The following WDFY1 variants were observed in gnomAD, a reference collection of about 807,000 sequenced individuals.
WDFY1 encodes WD repeat and FYVE domain containing 1.
A neutral mutation model predicts 56.4 loss-of-function variants in WDFY1; 32 were observed. The ratio of observed to expected loss-of-function variants is 0.57; its 90% CI spans 0.43 to 0.76. The LOEUF is 0.76. Among genes scored for constraint, WDFY1 ranks in the 30% least tolerant of loss-of-function variants. The probability of loss-of-function intolerance (pLI) is 0.00; values close to 1 mark genes in which losing one functional copy is unlikely to be tolerated. For missense variants in WDFY1, 480 were observed against 545.7 expected (o/e 0.88, Z 1.20); for synonymous variants, 192 against 197.3 (o/e 0.97, Z 0.23).
At chr2:223,893,538 AAAAG>A (rs1244803917) in intron 8 of WDFY1, among the ~76,000 whole-genome samples, 4 of 152,004 alleles carry the variant, frequency 2.6e-5, no homozygotes, top group Non-Finnish European at 5.9e-5. Flanking sequence ...TCAAAAAAAA[AAAAG>A]AGAGAGAGAG....
intron 1 of WDFY1, among the ~76,000 whole-genome samples, chr2:223,937,676 A>G (rs1041499822): frequency 3.9e-5 from 6 of 152,348 alleles, no homozygotes; most frequent in South Asian, 4.1e-4. Flanking sequence ...ACTATGCTAT[A>G]AAAAGAAAAT....
At chr2:223,894,609 T>G (rs933713155) in intron 7 of WDFY1, 10 of 446,278 alleles carry the variant, frequency 2.2e-5, no homozygotes, top group Non-Finnish European at 3.3e-5. Flanking sequence ...CTATGGTTTT[T>G]GGGACCAATC....
intron 7 of WDFY1, chr2:223,894,552 C>T: frequency 1.9e-6 from 1 of 537,838 alleles, no homozygotes; most frequent in South Asian, 2.2e-5. Flanking sequence ...TATATGACTA[C>T]TTTCAAATCG....
chr2:223,897,381 TATA>T (rs1338714123), intron 6 of WDFY1, among the ~76,000 whole-genome samples: 673 of 56,342 alleles, frequency 0.012, 42 homozygotes, highest in African/African-American at 0.056. Context: ...TATATATATA[TATA>T]TATATATTTT....
At chr2:223,916,606 G>A (rs1367108243) in intron 2 of WDFY1, among the ~76,000 whole-genome samples, 3 of 152,164 alleles carry the variant, frequency 2.0e-5, no homozygotes, top group Non-Finnish European at 4.4e-5. Flanking sequence ...AAGGAAATTA[G>A]CAGCTACAGA....
chr2:223,943,463 A>C (rs1284333530), intron 1 of WDFY1, among the ~76,000 whole-genome samples: 1 of 152,184 alleles, frequency 6.6e-6, no homozygotes, highest in Non-Finnish European at 1.5e-5. Flanking sequence ...TGGGGGCTTC[A>C]GGCTTTTTCT....
intron 1 of WDFY1, among the ~76,000 whole-genome samples, chr2:223,933,986 C>T (rs115639060): frequency 0.013 from 1,137 of 86,774 alleles, 29 homozygotes; most frequent in African/African-American, 0.041. Context: ...AAAAAAGTCT[C>T]GAACCCTATC....
chr2:223,930,086 A>T (rs1416908782), intron 1 of WDFY1, among the ~76,000 whole-genome samples: 4 of 152,226 alleles, frequency 2.6e-5, no homozygotes, highest in African/African-American at 9.6e-5. Flanking sequence ...TTCAAAGCTC[A>T]CTTGGTTCAA....
At chr2:223,931,905 T>A (rs1553538190) in intron 1 of WDFY1, among the ~76,000 whole-genome samples, 1 of 152,028 alleles carries the variant, frequency 6.6e-6, no homozygotes, top group Non-Finnish European at 1.5e-5. Context: ...AGGCTGGTCT[T>A]GAACTCCTGG....
intron 3 of WDFY1, 80 bp downstream of exon 3, chr2:223,912,173 T>C (rs1693715626): frequency 1.4e-6 from 2 of 1,402,458 alleles, no homozygotes; most frequent in African/African-American, 1.5e-5. Context: ...CAAAGTTAAC[T>C]GGCCAATATG....
intron 8 of WDFY1, among the ~76,000 whole-genome samples, chr2:223,888,750 C>CTA (rs1559163427): frequency 1.3e-5 from 2 of 151,218 alleles, no homozygotes; most frequent in Non-Finnish European, 2.9e-5. Context: ...CCACACCCAG[C>CTA]TATTTTTTTG....
At chr2:223,884,821 C>T (rs1693143684) in intron 8 of WDFY1, 72 bp from the exon 9 acceptor site, 2 of 1,320,470 alleles carry the variant, frequency 1.5e-6, no homozygotes, top group Non-Finnish European at 2.2e-6. Flanking sequence ...ATTAATACAA[C>T]AGTTCTAGAC....
chr2:223,886,157 G>A (rs899688837), intron 8 of WDFY1, among the ~76,000 whole-genome samples: 2 of 150,104 alleles, frequency 1.3e-5, no homozygotes, highest in African/African-American at 4.9e-5. Context: ...TGGCCAACAC[G>A]GTGAAACCCC....
In WDFY1 at chr2:223,925,430, TA is replaced by T. The variant is rs540376748; in HGVS notation, c.138-7421del. On this transcript the variant is annotated intron_variant, in intron 1 of 11. Transcript: ENST00000233055. ...CCTTAGTTTTAAAATACTTTATTGC[TA>T]AAAAAAAGTTAACGATCATCTGAAC... is the stretch of plus-strand genomic sequence containing the variant. 2.1e-3 allele frequency among the ~76,000 whole-genome samples: 316 copies of T among 152,074 alleles called. 2 individuals are homozygous for T. The highest frequency in any genetic ancestry group is 7.3e-3 in the African/African-American group (302 of 41,474).
chr2:223,894,755 CACAA>C (rs1357001416), intron 7 of WDFY1, among the ~76,000 whole-genome samples: 2 of 152,186 alleles, frequency 1.3e-5, no homozygotes, highest in African/African-American at 4.8e-5. Context: ...AGTGTGCACA[CACAA>C]ACACACACAG....
At chr2:223,894,427 T>C in intron 7 of WDFY1, 88 bp from the exon 8 acceptor site, 2 of 1,326,256 alleles carry the variant, frequency 1.5e-6, no homozygotes, top group Non-Finnish European at 2.1e-6. Context: ...CTCTCCTCAT[T>C]AAAATCAGCA....
At position 223,875,531 on chromosome 2, in the gene WDFY1, C is replaced by T. The variant is rs1375842040; in HGVS notation, c.*3140G>A. 1.3e-5 allele frequency: 2 copies of T among 152,058 alleles called. No individual in the cohort carries two copies. Among genetic ancestry groups the T allele is most frequent in the African/African-American group, 4.8e-5 (2 of 41,406 alleles). 9.4% of individuals were successfully genotyped at this position (152,058 alleles called of 1,614,324 possible). A position where few individuals can be genotyped will look rare whatever the true frequency, so the allele number is the denominator to read the frequency against. On this transcript the variant is annotated 3_prime_UTR_variant, in exon 12 of 12. Coordinates refer to ENST00000233055, the MANE Select transcript of WDFY1 (RefSeq NM_020830.5). ...ACTAATTAACATTACCCCTTGCTTC[C>T]CCAGTCAAAAAAGGCTATAGAGAAA...
At chr2:223,888,089 CTT>C (rs5839027) in intron 8 of WDFY1, among the ~76,000 whole-genome samples, 12 of 151,314 alleles carry the variant, frequency 7.9e-5, no homozygotes, top group Admixed American at 5.9e-4. Flanking sequence ...TAAATTTACA[CTT>C]TTTTTTTTGA....
chr2:223,919,401 G>C (rs1693852617), intron 1 of WDFY1, among the ~76,000 whole-genome samples: 1 of 152,154 alleles, frequency 6.6e-6, no homozygotes, highest in Non-Finnish European at 1.5e-5. Flanking sequence ...AGTAGAGATG[G>C]GGTTTCATTA....
Sources: gnomAD v4.1 joint callset for allele counts (sites outside exome capture counted in the v4.1 genomes callset) on GRCh38, gnomAD v4.1.1 for gene constraint, MANE v1.5 for transcripts, NCBI Gene and HGNC (gene_info 2026-07-23, HGNC 2026-07-21) for gene names.